Variants in SEPTIN7 observed in about 807,000 individuals in gnomAD.
The protein encoded by SEPTIN7 is septin-7.
In SEPTIN7, 10 loss-of-function variants were observed where a neutral mutation model predicts 63.3. The ratio of observed to expected loss-of-function variants is 0.16; its 90% CI spans 0.10 to 0.27. The LOEUF (loss-of-function observed/expected upper bound fraction) is 0.27, where lower values mean the gene tolerates loss of function less well. SEPTIN7 is among the 10% of genes least tolerant of loss of function. SEPTIN7 has a pLI of 1.00. For synonymous variants in SEPTIN7, 131 were observed against 165.3 expected (o/e 0.79, Z 1.59); for missense variants, 310 against 521.0 (o/e 0.59, Z 3.94).
intron 1 of SEPTIN7, among the ~76,000 whole-genome samples, chr7:35,828,693 A>G (rs536168596): frequency 4.6e-5 from 7 of 152,220 alleles, no homozygotes; most frequent in African/African-American, 1.2e-4. Context: ...CTGTTTATCT[A>G]TAGTCTGTCT....
At chr7:35,832,965 A>G (rs1412525131) in intron 3 of SEPTIN7, 65 bp downstream of exon 3, 1 of 902,548 alleles carries the variant, frequency 1.1e-6, no homozygotes, top group Non-Finnish European at 1.9e-6. Context: ...TCAACTCTGA[A>G]TAGATTTAAG....
At chr7:35,827,315 A>C (rs957633023) in intron 1 of SEPTIN7, among the ~76,000 whole-genome samples, 2 of 111,402 alleles carry the variant, frequency 1.8e-5, no homozygotes, top group South Asian at 5.3e-4. Context: ...CACATCTATA[A>C]ATAATGTTCC....
intron 8 of SEPTIN7, 111 bp from the exon 9 acceptor site, chr7:35,883,780 A>C (rs1176310306): frequency 1.3e-5 from 7 of 557,166 alleles, no homozygotes; most frequent in Non-Finnish European, 2.1e-5. Context: ...AAACTATCGA[A>C]AGTAAATTTT....
rs1788615499 is a variant in SEPTIN7 at position 35,906,549 on chromosome 7, T to C, written c.*2256T>C. The C allele has an allele frequency of 6.6e-6, 1 of 152,266 alleles. No individual in the cohort carries two copies. Among genetic ancestry groups the C allele is most frequent in the Admixed American group, 6.5e-5 (1 of 15,292 alleles). The allele number at this position is 152,266 out of a possible 1,614,324, so 9.4% of individuals were successfully genotyped here. Reference sequence around the variant, plus strand: ...AGTATCCTGTTAGCCACTGTCTTTCTGCTAATTAAGTGGGGCTGAACAAGT... The same window carrying C: ...AGTATCCTGTTAGCCACTGTCTTTCCGCTAATTAAGTGGGGCTGAACAAGT... On this transcript the variant is annotated 3_prime_UTR_variant, in exon 14 of 14. Transcript: ENST00000350320.
At chr7:35,851,627 T>C (rs575827708) in intron 3 of SEPTIN7, among the ~76,000 whole-genome samples, 5 of 152,188 alleles carry the variant, frequency 3.3e-5, no homozygotes, top group Admixed American at 6.5e-5. Context: ...TCCACAGATC[T>C]TGTGTTTAAG....
At chr7:35,827,352 CTGTGAACATT>C (rs1156513260) in intron 1 of SEPTIN7, among the ~76,000 whole-genome samples, 30 of 152,254 alleles carry the variant, frequency 2.0e-4, no homozygotes, top group African/African-American at 6.5e-4. Context: ...CACACTGGCA[CTGTGAACATT>C]TGTGCAGGAA....
chr7:35,844,057 G>T (rs1445871897), intron 3 of SEPTIN7, among the ~76,000 whole-genome samples: 1 of 152,130 alleles, frequency 6.6e-6, no homozygotes, highest in African/African-American at 2.4e-5. Flanking sequence ...GGTTCAGAGG[G>T]TAAATTTTAA....
chr7:35,842,085 G>T (rs1784434302), intron 3 of SEPTIN7, among the ~76,000 whole-genome samples: 1 of 152,098 alleles, frequency 6.6e-6, no homozygotes, highest in Non-Finnish European at 1.5e-5. Context: ...GAAAGCATTT[G>T]TAGATTGAGT....
At position 35,875,061 on chromosome 7, in the gene SEPTIN7, A is replaced by G. The variant is rs562117162; in HGVS notation, c.512+1286A>G. ...CTTATAACCAATTTTATTATTTTAG[A>G]TCTTCTGGACTCTCTCCAAGTTTAG... On this transcript the variant is annotated intron_variant, in intron 6 of 13. Coordinates refer to ENST00000350320, the MANE Select transcript of SEPTIN7 (RefSeq NM_001788.6). Among the ~76,000 whole-genome samples the G allele has an allele frequency of 2.6e-5, 4 of 152,248 alleles. No individual in the cohort carries two copies. The East Asian group carries it at 5.8e-4, about 22-fold the overall frequency.
At chr7:35,822,578 TGGAGATACA>T (rs1783280222) in intron 1 of SEPTIN7, among the ~76,000 whole-genome samples, 3 of 152,146 alleles carry the variant, frequency 2.0e-5, no homozygotes, top group Non-Finnish European at 4.4e-5. Flanking sequence ...TACGAGAGGC[TGGAGATACA>T]GATAAAGCTT....
Position 35,832,820 on chromosome 7 carries a change from A to C in SEPTIN7, c.89A>C (p.Tyr30Ser), listed in dbSNP as rs1286058297. 6.2e-7 allele frequency: 1 copy of C among 1,610,296 alleles called. No homozygotes were observed. ...CAGCAACAGAAGAACCTTGAAGGCT[A>C]TGTGGGATTTGCCAATCTCCCAAAT... ...MVAQQKNLEG[Y>S]VGFANLPNQV... is the part of the protein sequence containing the mutation. The change falls in exon 3 of 14, where the codon TAT (tyrosine) becomes TCT (serine). Residue 30 changes from tyrosine (Y) to serine (S), a missense_variant. Around this residue, in one of 2 missense-constraint regions of SEPTIN7, gnomAD observed 255 missense variants for 490.5 expected, o/e 0.52. Coordinates refer to ENST00000350320, the MANE Select transcript of SEPTIN7 (RefSeq NM_001788.6).
intron 1 of SEPTIN7, among the ~76,000 whole-genome samples, chr7:35,813,334 C>T (rs1298669645): frequency 6.6e-6 from 1 of 151,768 alleles, no homozygotes; most frequent in Non-Finnish European, 1.5e-5. Context: ...CCTTTTCCTA[C>T]TTACAAATGA....
At chr7:35,818,159 G>T (rs1789198178) in intron 1 of SEPTIN7, among the ~76,000 whole-genome samples, 1 of 151,986 alleles carries the variant, frequency 6.6e-6, no homozygotes, top group Non-Finnish European at 1.5e-5. Flanking sequence ...TGTATGTCTA[G>T]TTTGTTAAGT....
chr7:35,876,511 AAAG>A (rs746665438), intron 6 of SEPTIN7, among the ~76,000 whole-genome samples: 2 of 152,194 alleles, frequency 1.3e-5, no homozygotes, highest in South Asian at 4.1e-4. Context: ...TGATTAATGA[AAAG>A]AAGCAAAACT....
At chr7:35,832,769 A>T (rs760976218) in intron 2 of SEPTIN7, 29 bp from the exon 3 acceptor site, 4 of 1,213,252 alleles carry the variant, frequency 3.3e-6, no homozygotes, top group Non-Finnish European at 4.9e-6. Flanking sequence ...TTGATACATG[A>T]ATAACTTGGC....
In SEPTIN7 at chr7:35,890,781, G is replaced by GGCA. The variant is rs769132261; in HGVS notation, c.989_991dup (p.Gln330dup). 45 of 1,573,310 alleles carry GGCA rather than the reference G, an allele frequency of 2.9e-5. No homozygotes were observed. Among genetic ancestry groups the GGCA allele is most frequent in the Non-Finnish European group, 7.7e-6 (9 of 1,165,372 alleles). On this transcript the variant is annotated inframe_insertion, in exon 11 of 14. Transcript: ENST00000350320. ...GGAGTTGATAACAACAAGAATAAAG[G>GGCA]GCAGCTGACTAAGTAAGTATATATT...
intron 4 of SEPTIN7, among the ~76,000 whole-genome samples, chr7:35,868,031 G>A (rs1785925309): frequency 6.6e-6 from 1 of 151,526 alleles, no homozygotes; most frequent in Non-Finnish European, 1.5e-5. Flanking sequence ...TACTACACCT[G>A]GCTAATTTTT....
intron 1 of SEPTIN7, chr7:35,812,033 A>G (rs1788751313): frequency 8.8e-6 from 2 of 227,882 alleles, no homozygotes; most frequent in Admixed American, 5.5e-5. Context: ...AGGCTGAGGC[A>G]GGAGAATTGC....
downstream of SEPTIN7, among the ~76,000 whole-genome samples, chr7:35,909,444 T>C (rs1367804341): frequency 6.6e-6 from 1 of 152,232 alleles, no homozygotes; most frequent in Non-Finnish European, 1.5e-5. Flanking sequence ...ATGATTGGCC[T>C]GATTATAGCT....
Sources: allele counts gnomAD v4.1 joint callset (sites outside exome capture counted in the v4.1 genomes callset), GRCh38; gene constraint gnomAD v4.1.1; regional missense constraint gnomAD v4.1.1; transcripts MANE v1.5; gene names NCBI Gene and HGNC (gene_info 2026-07-23, HGNC 2026-07-21).